The following VPS13B variants were observed in gnomAD, a reference collection of about 807,000 sequenced individuals.
VPS13B encodes vacuolar protein sorting 13 homolog B, also known as intermembrane lipid transfer protein VPS13B.
A neutral mutation model predicts 426.4 loss-of-function variants in VPS13B; 285 were observed. That is an observed-to-expected ratio of 0.67 (90% confidence interval 0.61 to 0.74). The LOEUF (loss-of-function observed/expected upper bound fraction) is 0.74, where lower values mean the gene tolerates loss of function less well. Ranked by LOEUF, VPS13B falls within the 30% of genes least tolerant of loss-of-function variation. The pLI is 0.00. For missense variants in VPS13B, 4,537 were observed against 4,782.6 expected (o/e 0.95, Z 1.51); for synonymous variants, 1,676 against 1,676.4 (o/e 1.00, Z 0.01).
At chr8:99,408,903 C>A (rs576072862) in intron 21 of VPS13B, among the ~76,000 whole-genome samples, 6 of 152,254 alleles carry the variant, frequency 3.9e-5, no homozygotes, top group Admixed American at 3.9e-4. Flanking sequence ...GAAGTGAAGA[C>A]TGTGTTTTAA....
chr8:99,550,682 G>A (rs1049773514), intron 30 of VPS13B, among the ~76,000 whole-genome samples: 16 of 151,638 alleles, frequency 1.1e-4, no homozygotes, highest in Non-Finnish European at 2.1e-4. Context: ...GCTAAAACTA[G>A]TATTTTAGAC....
intron 44 of VPS13B, among the ~76,000 whole-genome samples, 192 bp from the exon 45 acceptor site, chr8:99,817,348 C>T (rs1038849480): frequency 6.6e-6 from 1 of 152,066 alleles, no homozygotes; most frequent in Admixed American, 6.6e-5. Context: ...CCTTTAAATA[C>T]TGCAAACTCA....
At chr8:99,110,776 AAG>A (rs1163385464) in intron 5 of VPS13B, among the ~76,000 whole-genome samples, 1 of 151,824 alleles carries the variant, frequency 6.6e-6, no homozygotes, top group Non-Finnish European at 1.5e-5. Context: ...CTCATTGTGT[AAG>A]AGAACTGTAG....
At chr8:99,285,136 A>G (rs1440459005) in intron 19 of VPS13B, among the ~76,000 whole-genome samples, 2 of 152,172 alleles carry the variant, frequency 1.3e-5, no homozygotes, top group Non-Finnish European at 2.9e-5. Context: ...TTGCAAACCT[A>G]TGATTATGCA....
At chr8:99,633,299 A>G (rs527851992) in intron 33 of VPS13B, among the ~76,000 whole-genome samples, 1 of 152,186 alleles carries the variant, frequency 6.6e-6, no homozygotes, top group African/African-American at 2.4e-5. Flanking sequence ...GGCCCACTGG[A>G]ATAGTTAATA....
chr8:99,724,075 G>A (rs1225668492), intron 39 of VPS13B, among the ~76,000 whole-genome samples: 1 of 152,178 alleles, frequency 6.6e-6, no homozygotes, highest in Non-Finnish European at 1.5e-5. Flanking sequence ...ACTCTCTTGA[G>A]TTGCAATATT....
At chr8:99,570,230 T>C (rs1217576570) in intron 31 of VPS13B, among the ~76,000 whole-genome samples, 1 of 152,206 alleles carries the variant, frequency 6.6e-6, no homozygotes, top group African/African-American at 2.4e-5. Context: ...TATGAATTCT[T>C]ATATTTCATC....
At chr8:99,139,683 C>T (rs190931141) in intron 12 of VPS13B, among the ~76,000 whole-genome samples, 40 of 152,050 alleles carry the variant, frequency 2.6e-4, no homozygotes, top group East Asian at 1.2e-3. Flanking sequence ...GTGATCCACC[C>T]GCTTCAGCCT....
intron 19 of VPS13B, among the ~76,000 whole-genome samples, chr8:99,377,310 G>C (rs1306351201): frequency 6.6e-6 from 1 of 152,036 alleles, no homozygotes; most frequent in Non-Finnish European, 1.5e-5. Flanking sequence ...AGCCCAATAA[G>C]ACATATGCTA....
chr8:99,053,675 CTT>C (rs1171107732), intron 3 of VPS13B, among the ~76,000 whole-genome samples: 1 of 132,212 alleles, frequency 7.6e-6, no homozygotes, highest in Non-Finnish European at 1.7e-5. Flanking sequence ...TTTTTTTTTC[CTT>C]TTTTTTTTTT....
At chr8:99,319,421 T>C (rs905802477) in intron 19 of VPS13B, among the ~76,000 whole-genome samples, 1 of 152,240 alleles carries the variant, frequency 6.6e-6, no homozygotes, top group Admixed American at 6.5e-5. Context: ...TGTATTTAGA[T>C]GTAAAATTGA....
chr8:99,552,426 C>A (rs1352026505), intron 30 of VPS13B, among the ~76,000 whole-genome samples: 1 of 151,956 alleles, frequency 6.6e-6, no homozygotes, highest in Non-Finnish European at 1.5e-5. Context: ...TGTCATCTGG[C>A]AGCACTGTCT....
chr8:99,708,829 GTCTC>G (rs147100515), intron 36 of VPS13B, among the ~76,000 whole-genome samples: 6 of 149,650 alleles, frequency 4.0e-5, no homozygotes, highest in Non-Finnish European at 7.4e-5. Context: ...CTCTCTCTCT[GTCTC>G]TCTCTCTCTC....
chr8:99,741,788 C>A (rs1325677512), intron 39 of VPS13B, among the ~76,000 whole-genome samples: 2 of 152,074 alleles, frequency 1.3e-5, no homozygotes, highest in Non-Finnish European at 2.9e-5. Context: ...AGAACAAAGA[C>A]ACAACATACC....
chr8:99,859,950 A>C (rs2130935979), intron 57 of VPS13B, among the ~76,000 whole-genome samples: 1 of 152,306 alleles, frequency 6.6e-6, no homozygotes, highest in African/African-American at 2.4e-5. Flanking sequence ...CGCCACGTAA[A>C]CAGTGCCATC....
At chr8:99,458,267 A>T (rs2133481611) in intron 23 of VPS13B, among the ~76,000 whole-genome samples, 2 of 152,226 alleles carry the variant, frequency 1.3e-5, no homozygotes, top group East Asian at 3.9e-4. Flanking sequence ...TTATGGCTGC[A>T]TAGTATTCCA....
At chr8:99,553,686 G>C (rs1302698805) in intron 30 of VPS13B, among the ~76,000 whole-genome samples, 1 of 152,000 alleles carries the variant, frequency 6.6e-6, no homozygotes, top group East Asian at 1.9e-4. Flanking sequence ...ACATAAATCA[G>C]CTGCTTATCC....
chr8:99,240,040 T>G (rs1438162160), intron 17 of VPS13B, among the ~76,000 whole-genome samples: 1 of 152,164 alleles, frequency 6.6e-6, no homozygotes, highest in Non-Finnish European at 1.5e-5. Context: ...AACCCCCTGA[T>G]GCCAGAGACT....
intron 55 of VPS13B, among the ~76,000 whole-genome samples, chr8:99,851,386 G>A (rs915149252): frequency 2.0e-5 from 3 of 152,150 alleles, no homozygotes; most frequent in Non-Finnish European, 4.4e-5. Flanking sequence ...GTGATGGGGG[G>A]TGTAGAGAGT....
Sources: allele counts gnomAD v4.1 joint callset (sites outside exome capture counted in the v4.1 genomes callset), GRCh38; gene constraint gnomAD v4.1.1; transcripts MANE v1.5; gene names NCBI Gene and HGNC (gene_info 2026-07-23, HGNC 2026-07-21).